Variants in CENPT observed in about 807,000 individuals in gnomAD.
CENPT encodes centromere protein T.
A neutral mutation model predicts 59.7 loss-of-function variants in CENPT; 42 were observed. The observed-to-expected ratio is 0.70, with a 90% CI of 0.55 to 0.91. CENPT has a LOEUF of 0.91. Among genes scored for constraint, CENPT ranks in the 40% least tolerant of loss-of-function variants. The pLI, the probability that CENPT is intolerant of heterozygous loss-of-function variation, is 0.00. For missense variants in CENPT, 716 were observed against 713.4 expected (o/e 1.00, Z -0.04); for synonymous variants, 295 against 289.6 (o/e 1.02, Z -0.19).
rs1330375407 is a variant in CENPT, at chr16:67,828,724, A to C, written c.1400T>G (p.Phe467Cys). 6.8e-6 allele frequency: 11 copies of C among 1,613,976 alleles called. No homozygotes were observed. Among genetic ancestry groups the C allele is most frequent in the Non-Finnish European group, 7.6e-6 (9 of 1,179,994 alleles). ...KAGLSHYVKL[F>C]SFYAKMPMER... Reference sequence around the variant, plus strand: ...CATGGGCATCTTGGCATAGAAGCTAAAGAGTTTCACATAGTGGCTCAGTCC... The same window carrying C: ...CATGGGCATCTTGGCATAGAAGCTACAGAGTTTCACATAGTGGCTCAGTCC... Residue 467 changes from phenylalanine to cysteine, a missense_variant, in exon 14 of 16, where the codon TTT becomes TGT. Coordinates refer to ENST00000562787, the MANE Select transcript of CENPT (RefSeq NM_025082.4).
chr16:67,833,135 C>G (rs1401375849), intron 4 of CENPT, among the ~76,000 whole-genome samples: 2 of 152,184 alleles, frequency 1.3e-5, no homozygotes, highest in African/African-American at 4.8e-5. Context: ...ACCATGAGCT[C>G]ACCACAGCCC....
chr16:67,833,579 C>CT (rs1284456546), intron 4 of CENPT, among the ~76,000 whole-genome samples, 171 bp downstream of exon 4: 1 of 152,226 alleles, frequency 6.6e-6, no homozygotes, highest in African/African-American at 2.4e-5. Flanking sequence ...CTGCTCCTCT[C>CT]TGAGACTCAG....
chr16:67,839,569 A>AAAAT (rs567428414), intron 1 of CENPT, among the ~76,000 whole-genome samples: 7 of 151,760 alleles, frequency 4.6e-5, no homozygotes, highest in Admixed American at 2.0e-4. Context: ...AAGAAAAATA[A>AAAAT]AAATAAATAA....
In CENPT at chr16:67,833,889, C is replaced by T. The variant is rs1388957000; in HGVS notation, c.-30G>A. The T allele has an allele frequency of 2.2e-6, 3 of 1,380,278 alleles. No homozygotes were observed. Among genetic ancestry groups the T allele is most frequent in the Admixed American group, 3.2e-5 (1 of 31,196 alleles). The allele number at this position is 1,380,278 out of a possible 1,614,324, so 85.5% of individuals were successfully genotyped here. ...TCGGCCCCGGGCCCTCCTAACCGCC[C>T]AGCCAGCTGCAGGCTCCGCCTTCCC... On this transcript the variant is annotated 5_prime_UTR_variant, in exon 4 of 16. Coordinates refer to ENST00000562787, the MANE Select transcript of CENPT (RefSeq NM_025082.4).
intron 1 of CENPT, among the ~76,000 whole-genome samples, chr16:67,836,487 A>T (rs903911577): frequency 1.4e-5 from 2 of 143,268 alleles, no homozygotes; most frequent in African/African-American, 2.6e-5. Flanking sequence ...CCCAGGCTGG[A>T]GTGTAGTGGT....
chr16:67,839,381 C>CAAAAAAAAAAAAAAAAAACAAAAAAAA, intron 1 of CENPT, among the ~76,000 whole-genome samples: 1 of 54,170 alleles, frequency 1.8e-5, no homozygotes, highest in Non-Finnish European at 3.8e-5. Flanking sequence ...AACTCCACCT[C>CAAAAAAAAAAAAAAAAAACAAAAAAAA]AAAAAAAAAA....
In CENPT at chr16:67,830,433, G is replaced by C; in HGVS notation, c.819C>G (p.Ala273=). The C allele has an allele frequency of 6.2e-7, 1 of 1,613,978 alleles. No homozygotes were observed. Among genetic ancestry groups the C allele is most frequent in the Non-Finnish European group, 8.5e-7 (1 of 1,179,932 alleles). The change falls in exon 11 of 16, where the codon GCC becomes GCG. Residue 273 remains alanine, a synonymous_variant. Coordinates refer to ENST00000562787, the MANE Select transcript of CENPT (RefSeq NM_025082.4). ...HTGAEDAEQA[A]GRKTQSSGPG... is the part of the protein sequence containing the mutation. ...GCCCACTGCTCTGTGTCTTGCGACC[G>C]GCAGCCTGCTCAGCGTCTTCAGCCC...
intron 1 of CENPT, among the ~76,000 whole-genome samples, chr16:67,840,952 G>A (rs1234377815): frequency 1.1e-4 from 17 of 149,494 alleles, no homozygotes; most frequent in Admixed American, 9.4e-4. Flanking sequence ...CTGAGCTCAC[G>A]AGTTCGAGAC....
intron 4 of CENPT, among the ~76,000 whole-genome samples, chr16:67,833,502 G>A (rs2057712818): frequency 6.6e-6 from 1 of 152,230 alleles, no homozygotes; most frequent in South Asian, 2.1e-4. Context: ...AGCCCTGGGG[G>A]CAGGGGCACA....
chr16:67,829,632 G>C (rs1367430858), intron 12 of CENPT, 116 bp from the exon 13 acceptor site: 10 of 1,310,948 alleles, frequency 7.6e-6, no homozygotes, highest in Middle Eastern at 2.3e-4. Context: ...CTCCAGCCAA[G>C]CAGGTGCCCC....
intron 1 of CENPT, 74 bp downstream of exon 1, chr16:67,847,327 C>G (rs1013956188): frequency 6.6e-6 from 1 of 152,442 alleles, no homozygotes; most frequent in Non-Finnish European, 1.5e-5. Context: ...CTAGCCTGGC[C>G]CGGCCTGCGC....
Position 67,831,783 on chromosome 16 carries a change from C to G in CENPT, c.494G>C (p.Gly165Ala), listed in dbSNP as rs1178818903. 1 of 1,587,250 alleles carries G rather than the reference C, an allele frequency of 6.3e-7. No homozygotes were observed. The highest frequency in any genetic ancestry group is 1.4e-5 in the African/African-American group (1 of 73,848). ...GGAGAGAGACAGCCCCTGGTCCACT[C>G]CCTGCTGAAACACTGACAGTCTCAG... is the stretch of plus-strand genomic sequence containing the variant. ...QRLRLSVFQQ[G>A]VDQGLSLSQE... Residue 165 changes from glycine to alanine, a missense_variant, in exon 8 of 16, where the codon GGA becomes GCA. Physicochemically the swap from Gly to Ala is moderately conservative, Grantham distance 60. Coordinates refer to ENST00000562787, the MANE Select transcript of CENPT (RefSeq NM_025082.4).
chr16:67,833,871 C>CG lies in CENPT; in HGVS notation c.-13dup. Reference sequence around the variant, plus strand: ...TTGTGGTCAGCCATCGTCTCGGCCCCGGGCCCTCCTAACCGCCCAGCCAGC... The same window carrying CG: ...TTGTGGTCAGCCATCGTCTCGGCCCCGGGGCCCTCCTAACCGCCCAGCCAGC... On this transcript the variant is annotated 5_prime_UTR_variant, in exon 4 of 16. Coordinates refer to ENST00000562787, the MANE Select transcript of CENPT (RefSeq NM_025082.4). 6.7e-7 allele frequency: 1 copy of CG among 1,493,656 alleles called. No individual in the cohort carries two copies. Among genetic ancestry groups the CG allele is most frequent in the Non-Finnish European group, 8.9e-7 (1 of 1,124,504 alleles). 92.5% of individuals were successfully genotyped at this position (1,493,656 alleles called of 1,614,324 possible).
intron 1 of CENPT, among the ~76,000 whole-genome samples, chr16:67,838,046 CA>C (rs1270734865): frequency 6.6e-6 from 1 of 152,104 alleles, no homozygotes; most frequent in Non-Finnish European, 1.5e-5. Context: ...TGCCTTTCTC[CA>C]GGGGTGATTA....
intron 1 of CENPT, among the ~76,000 whole-genome samples, chr16:67,844,601 G>C (rs936089557): frequency 4.6e-5 from 7 of 152,228 alleles, no homozygotes; most frequent in Admixed American, 2.6e-4. Context: ...TGTGCATGCA[G>C]TTACTCTGTG....
chr16:67,839,202 C>G (rs2057748439), intron 1 of CENPT, among the ~76,000 whole-genome samples: 1 of 151,740 alleles, frequency 6.6e-6, no homozygotes, highest in South Asian at 2.1e-4. Flanking sequence ...ACCTGGCCAA[C>G]ATGAGGAAAA....
At chr16:67,841,026 T>C (rs1307588289) in intron 1 of CENPT, among the ~76,000 whole-genome samples, 32 of 137,052 alleles carry the variant, frequency 2.3e-4, no homozygotes, top group African/African-American at 8.9e-4. Flanking sequence ...TATATATATA[T>C]ATATATATAT....
intron 1 of CENPT, among the ~76,000 whole-genome samples, chr16:67,839,441 T>C (rs1424716941): frequency 6.8e-6 from 1 of 147,620 alleles, no homozygotes; most frequent in Non-Finnish European, 1.5e-5. Context: ...ACACCTGTAA[T>C]CCCAGTTACC....
chr16:67,838,918 G>C (rs117106554), intron 1 of CENPT, among the ~76,000 whole-genome samples: 1 of 146,882 alleles, frequency 6.8e-6, no homozygotes, highest in East Asian at 2.0e-4. Context: ...CAGTGTGAGT[G>C]CAAGACTCTG....
Sources: allele counts gnomAD v4.1 joint callset (sites outside exome capture counted in the v4.1 genomes callset), GRCh38; gene constraint gnomAD v4.1.1; transcripts MANE v1.5; gene names NCBI Gene and HGNC (gene_info 2026-07-23, HGNC 2026-07-21).